MACROD2: variants seen among roughly 807,000 people sequenced by gnomAD.
MACROD2 encodes the protein ADP-ribose glycohydrolase MACROD2.
In MACROD2, 36 loss-of-function variants were observed where a neutral mutation model predicts 70.4. That is an observed-to-expected ratio of 0.51 (90% CI 0.39 to 0.68). The LOEUF (loss-of-function observed/expected upper bound fraction) is 0.68. MACROD2 is among the 30% of genes least tolerant of loss of function. MACROD2 has a pLI of 0.00. For missense variants in MACROD2, 496 were observed against 538.4 expected (o/e 0.92, Z 0.78); for synonymous variants, 172 against 178.8 (o/e 0.96, Z 0.30).
chr20:14,251,616 T>C (rs2082013043), intron 3 of MACROD2, among the ~76,000 whole-genome samples: 1 of 152,112 alleles, frequency 6.6e-6, no homozygotes, highest in Non-Finnish European at 1.5e-5. Context: ...ATATTACCAC[T>C]AGCATTTGTT....
intron 8 of MACROD2, among the ~76,000 whole-genome samples, chr20:15,757,651 A>C (rs1318626644): frequency 6.6e-6 from 1 of 152,152 alleles, no homozygotes; most frequent in African/African-American, 2.4e-5. Context: ...TTTATTTCTC[A>C]TACTTCTAGA....
At chr20:15,022,228 A>G (rs899448637) in intron 5 of MACROD2, among the ~76,000 whole-genome samples, 9 of 152,154 alleles carry the variant, frequency 5.9e-5, no homozygotes, top group Admixed American at 2.6e-4. Flanking sequence ...TTGTATCCCT[A>G]TGTTACACAA....
chr20:15,762,518 A>G (rs1289762694), intron 8 of MACROD2, among the ~76,000 whole-genome samples: 2 of 152,204 alleles, frequency 1.3e-5, no homozygotes, highest in African/African-American at 4.8e-5. Context: ...CTAAAGGAGC[A>G]GGTCTGTTTC....
intron 4 of MACROD2, among the ~76,000 whole-genome samples, chr20:14,584,178 AC>A (rs1447583873): frequency 1.3e-5 from 2 of 152,140 alleles, no homozygotes; most frequent in Non-Finnish European, 2.9e-5. Flanking sequence ...TCCCACAAGC[AC>A]CTCATTTACC....
chr20:14,954,604 ATAGT>A (rs1200400156), intron 5 of MACROD2, among the ~76,000 whole-genome samples: 2 of 131,944 alleles, frequency 1.5e-5, no homozygotes, highest in Non-Finnish European at 3.1e-5. Flanking sequence ...TAATAATTAT[ATAGT>A]TATTATATAT....
At chr20:15,892,284 A>T (rs1399066379) in intron 10 of MACROD2, among the ~76,000 whole-genome samples, 1 of 152,142 alleles carries the variant, frequency 6.6e-6, no homozygotes, top group Non-Finnish European at 1.5e-5. Flanking sequence ...TACATAAATT[A>T]ACACCTAATG....
intron 3 of MACROD2, among the ~76,000 whole-genome samples, chr20:14,394,734 T>TA (rs1292528770): frequency 1.3e-5 from 2 of 152,194 alleles, no homozygotes; most frequent in African/African-American, 4.8e-5. Context: ...AGGTTGTTTT[T>TA]AAAAAATACA....
rs1478345184 is a variant in MACROD2, at chr20:15,051,023, A to C, written c.419-178917A>C. On this transcript the variant is annotated intron_variant, in intron 5 of 17. Transcript: ENST00000684519. ...GAGAAAATTCTTCATTTTTTTAATA[A>C]GTCTGAATATCTCCTTTCCAAACTT... is the stretch of plus-strand genomic sequence containing the variant. Among the ~76,000 whole-genome samples the C allele has an allele frequency of 2.6e-5, 4 of 152,224 alleles. No homozygotes were observed. The East Asian group carries it at 5.8e-4, about 22-fold the overall frequency.
intron 3 of MACROD2, among the ~76,000 whole-genome samples, chr20:14,177,648 C>T (rs768078843): frequency 6.6e-6 from 1 of 152,122 alleles, no homozygotes; most frequent in Non-Finnish European, 1.5e-5. Context: ...CACCGTTATA[C>T]TCATGCTTGT....
chr20:15,041,321 T>C (rs1211309920), intron 5 of MACROD2, among the ~76,000 whole-genome samples: 2 of 152,196 alleles, frequency 1.3e-5, no homozygotes, highest in Non-Finnish European at 2.9e-5. Flanking sequence ...ACCTGCTCAA[T>C]ATTGAGCAAA....
chr20:14,716,948 C>T (rs1568755744), intron 5 of MACROD2, among the ~76,000 whole-genome samples: 1 of 151,976 alleles, frequency 6.6e-6, no homozygotes, highest in Non-Finnish European at 1.5e-5. Flanking sequence ...AAGAAACTTG[C>T]AATATGTCCT....
intron 8 of MACROD2, among the ~76,000 whole-genome samples, chr20:15,589,539 C>T (rs1378708271): frequency 6.6e-6 from 1 of 152,150 alleles, no homozygotes; most frequent in Non-Finnish European, 1.5e-5. Flanking sequence ...TCATTATCAC[C>T]CATAGTCCAC....
chr20:15,706,748 T>C (rs2050538419), intron 8 of MACROD2, among the ~76,000 whole-genome samples: 1 of 152,234 alleles, frequency 6.6e-6, no homozygotes. Context: ...CAGTCCTTCA[T>C]GTCAATCAAA....
intron 6 of MACROD2, among the ~76,000 whole-genome samples, chr20:15,261,171 T>C (rs1399355608): frequency 6.6e-6 from 1 of 151,810 alleles, no homozygotes; most frequent in African/African-American, 2.4e-5. Context: ...ATTTTAGCCA[T>C]TTTTTTTCAT....
intron 6 of MACROD2, among the ~76,000 whole-genome samples, chr20:15,291,717 A>G (rs1380492570): frequency 1.3e-5 from 2 of 152,152 alleles, no homozygotes; most frequent in East Asian, 1.9e-4. Context: ...TGACTAAAAA[A>G]GGGAAAAAAT....
intron 6 of MACROD2, among the ~76,000 whole-genome samples, chr20:15,265,489 T>A (rs2077285980): frequency 1.3e-5 from 2 of 152,216 alleles, no homozygotes; most frequent in South Asian, 4.1e-4. Context: ...TTCAGTCTTC[T>A]TTCAATATAT....
intron 3 of MACROD2, among the ~76,000 whole-genome samples, chr20:14,184,249 G>C (rs1158219720): frequency 6.6e-6 from 1 of 152,148 alleles, no homozygotes; most frequent in East Asian, 1.9e-4. Flanking sequence ...TCTGCATATG[G>C]CTAGCCAGTT....
chr20:16,049,031 A>G (rs2067422021), intron 17 of MACROD2, among the ~76,000 whole-genome samples: 1 of 152,216 alleles, frequency 6.6e-6, no homozygotes, highest in Non-Finnish European at 1.5e-5. Flanking sequence ...CAGAAGCATT[A>G]CACTGAGTGA....
chr20:14,442,905 T>C (rs1318024506), intron 3 of MACROD2, among the ~76,000 whole-genome samples: 2 of 151,896 alleles, frequency 1.3e-5, no homozygotes, highest in Non-Finnish European at 2.9e-5. Context: ...TGAAACCCCG[T>C]CTCTACTAAA....
Sources: gnomAD v4.1 joint callset for allele counts (sites outside exome capture counted in the v4.1 genomes callset) on GRCh38, gnomAD v4.1.1 for gene constraint, MANE v1.5 for transcripts, NCBI Gene and HGNC (gene_info 2026-07-23, HGNC 2026-07-21) for gene names.